RTKN: variants seen among roughly 807,000 people sequenced by gnomAD.
The protein encoded by RTKN is rhotekin.
RTKN carries 49 observed loss-of-function variants against 63.5 expected under a neutral mutation model. The ratio of observed to expected loss-of-function variants is 0.77; its 90% CI spans 0.61 to 0.98. The LOEUF is 0.98. Ranked by LOEUF, RTKN falls within the 50% of genes least tolerant of loss-of-function variation. The pLI is 0.00. For missense variants in RTKN, 685 were observed against 740.8 expected (o/e 0.92, Z 0.87); for synonymous variants, 295 against 290.4 (o/e 1.02, Z -0.16).
chr2:74,428,339 G>C lies in RTKN; in HGVS notation c.1015C>G (p.Leu339Val). The C allele has an allele frequency of 3.1e-6, 5 of 1,614,038 alleles. No individual in the cohort carries two copies. The South Asian group carries it at 5.5e-5, about 18-fold the overall frequency. ...TCCTCAGGTTGCCGGTAACAGAAGA[G>C]GTTTGTGCCTTTCAGAACTCCATGC... ...QVHGVLKGTN[L>V]FCYRQPEDAD... Residue 339 changes from leucine to valine, a missense_variant, in exon 9 of 12, where the codon CTC (leucine) becomes GTC (valine). Coordinates refer to ENST00000272430, the MANE Select transcript of RTKN (RefSeq NM_001015055.2).
intron 1 of RTKN, among the ~76,000 whole-genome samples, 195 bp downstream of exon 1, chr2:74,441,511 G>A (rs1188275497): frequency 6.6e-6 from 1 of 152,248 alleles, no homozygotes; most frequent in Non-Finnish European, 1.5e-5. Context: ...CCAGGCCGCG[G>A]AATGGGCAGC....
At chr2:74,427,394 A>G (rs1670457717) in intron 10 of RTKN, 30 bp downstream of exon 10, 3 of 1,611,590 alleles carry the variant, frequency 1.9e-6, no homozygotes, top group Non-Finnish European at 2.5e-6. Context: ...GTTCTTCCCA[A>G]AGGTTCAACC....
intron 6 of RTKN, among the ~76,000 whole-genome samples, chr2:74,429,312 C>T (rs1670605152): frequency 6.6e-6 from 1 of 152,156 alleles, no homozygotes; most frequent in Non-Finnish European, 1.5e-5. Context: ...CCCAAAGGTT[C>T]TCAAACTGCT....
rs991547225 is a variant in RTKN, at chr2:74,427,371, A to G, written c.1255+53T>C. On this transcript the variant is annotated intron_variant, in intron 10 of 11. Transcript: ENST00000272430. The stretch of plus-strand genomic sequence containing the variant: ...CTTGAAACAGAGGCCTTTAGTAAAA[A>G]TGACAAACTCCAGTTCTTCCCAAAG... 1.2e-5 allele frequency: 19 copies of G among 1,608,770 alleles called. No individual in the cohort carries two copies. In the Middle Eastern group the frequency reaches 6.6e-4, roughly 56 times the overall value.
chr2:74,428,582 T>C, intron 8 of RTKN, 49 bp downstream of exon 8: 1 of 1,561,720 alleles, frequency 6.4e-7, no homozygotes, highest in Non-Finnish European at 8.8e-7. Context: ...GTTATCCAGC[T>C]CTCCTCTGCC....
chr2:74,428,200 C>T (rs1281824410), intron 9 of RTKN, 68 bp downstream of exon 9: 1 of 1,609,894 alleles, frequency 6.2e-7, no homozygotes, highest in Middle Eastern at 1.7e-4. Flanking sequence ...TGCCCACCCT[C>T]CTGGGGCCTG....
rs760018206 is a variant in RTKN at position 74,426,464 on chromosome 2, C to T, written c.1471G>A (p.Ala491Thr). Residue 491 changes from alanine to threonine, a missense_variant, in exon 12 of 12, where the codon GCC (alanine) becomes ACC (threonine). Ala to Thr is a moderately conservative substitution (Grantham distance 58, BLOSUM62 0). Transcript: ENST00000272430. ...PWLAMFTDQP[A>T]LPNPCSPASV... ...GCAGGCGAGCAGGGGTTAGGCAGGGCAGGCTGGTCTGTAAACATTGCCAGC... is the reference window on the plus strand; with the variant it reads ...GCAGGCGAGCAGGGGTTAGGCAGGGTAGGCTGGTCTGTAAACATTGCCAGC... 1.1e-5 allele frequency: 17 copies of T among 1,610,408 alleles called. No individual in the cohort carries two copies. The South Asian group carries it at 1.9e-4, about 18-fold the overall frequency.
chr2:74,431,703 T>G (rs1226407288), intron 2 of RTKN: 1 of 152,540 alleles, frequency 6.6e-6, no homozygotes, highest in Admixed American at 6.5e-5. Context: ...GGCAACCTCC[T>G]CTTGTGTCAG....
chr2:74,425,865 C>T lies in RTKN; in HGVS notation c.*378G>A. The T allele has an allele frequency of 8.6e-7, 1 of 1,169,340 alleles. No individual in the cohort carries two copies. The highest frequency in any genetic ancestry group is 1.2e-6 in the Non-Finnish European group (1 of 838,534). The allele number at this position is 1,169,340 out of a possible 1,614,324, so 72.4% of individuals were successfully genotyped here. A position where few individuals can be genotyped will look rare whatever the true frequency, so the allele number is the denominator to read the frequency against. On this transcript the variant is annotated 3_prime_UTR_variant, in exon 12 of 12. Transcript: ENST00000272430. Reference sequence around the variant, plus strand: ...CAGGCAGAGAGAGGCACCCTGTCCTCAGGAGCCAGGTGAAGGCTGCTGTTA... The same window carrying T: ...CAGGCAGAGAGAGGCACCCTGTCCTTAGGAGCCAGGTGAAGGCTGCTGTTA...
At chr2:74,428,788 T>A in intron 7 of RTKN, 51 bp from the exon 8 acceptor site, 1 of 1,601,010 alleles carries the variant, frequency 6.2e-7, no homozygotes, top group South Asian at 1.1e-5. Flanking sequence ...AAGGGGACCA[T>A]CCCACAGCCC....
In RTKN at chr2:74,429,607, C is replaced by T. The variant is rs180748456; in HGVS notation, c.755+221G>A. Among the ~76,000 whole-genome samples the T allele has an allele frequency of 7.1e-4, 108 of 152,332 alleles. 1 individual carries two copies. Among genetic ancestry groups the T allele is most frequent in the Admixed American group, 1.5e-3 (23 of 15,306 alleles). On this transcript the variant is annotated intron_variant, in intron 6 of 11. Transcript: ENST00000272430. ...TGCTAAAAAGGTAAGACCCCAGGGC[C>T]TAAGTCTCCCTGCCTTCCCACTGGT...
At chr2:74,435,988 C>A (rs1195356783) in intron 1 of RTKN, among the ~76,000 whole-genome samples, 1 of 152,222 alleles carries the variant, frequency 6.6e-6, no homozygotes, top group African/African-American at 2.4e-5. Context: ...AAGCCCCTCA[C>A]CAGGAAGCCC....
At position 74,428,876 on chromosome 2, in the gene RTKN, G is replaced by A. The variant is rs772713143; in HGVS notation, c.822C>T (p.Arg274=). The A allele has an allele frequency of 2.5e-6, 4 of 1,614,162 alleles. No homozygotes were observed. Among genetic ancestry groups the A allele is most frequent in the Non-Finnish European group, 3.4e-6 (4 of 1,180,026 alleles). ...GACTGGCAAGGGTGAGGTCATGTGT[G>A]CGGAATCCATCTTGCACTGCTGCCA... ...LTLAAVQDGF[R]THDLTLASHE... Residue 274 remains arginine (R), a synonymous_variant, in exon 7 of 12, where the codon CGC becomes CGT. Coordinates refer to ENST00000272430, the MANE Select transcript of RTKN (RefSeq NM_001015055.2).
chr2:74,439,206 T>A (rs1671216087), intron 1 of RTKN, among the ~76,000 whole-genome samples: 1 of 152,234 alleles, frequency 6.6e-6, no homozygotes, highest in Non-Finnish European at 1.5e-5. Context: ...CCTTCTCTTC[T>A]CTAGCAAGGC....
At chr2:74,437,672 A>AATGAACTAAAAGTAATGAATTAATG (rs1671132352) in intron 1 of RTKN, among the ~76,000 whole-genome samples, 1 of 152,226 alleles carries the variant, frequency 6.6e-6, no homozygotes, top group African/African-American at 2.4e-5. Context: ...GTTTTGTTTT[A>AATGAACTAAAAGTAATGAATTAATG]TTTTAATGAA....
At chr2:74,427,313 C>T in intron 10 of RTKN, 40 bp from the exon 11 acceptor site, 1 of 1,607,900 alleles carries the variant, frequency 6.2e-7, no homozygotes, top group Non-Finnish European at 8.5e-7. Context: ...AGCCAGGCTG[C>T]CCTTTCTCCT....
chr2:74,438,284 A>G (rs1671165578), intron 1 of RTKN, among the ~76,000 whole-genome samples: 1 of 152,012 alleles, frequency 6.6e-6, no homozygotes, highest in African/African-American at 2.4e-5. Flanking sequence ...CATCCAATCC[A>G]TCAGCAAATC....
intron 1 of RTKN, among the ~76,000 whole-genome samples, chr2:74,434,469 G>A (rs1420421583): frequency 1.3e-5 from 2 of 152,076 alleles, no homozygotes; most frequent in South Asian, 2.1e-4. Flanking sequence ...TAGTAGAGAC[G>A]GGGTTGCACC....
At chr2:74,435,689 A>G (rs572728627) in intron 1 of RTKN, among the ~76,000 whole-genome samples, 1 of 152,280 alleles carries the variant, frequency 6.6e-6, no homozygotes, top group African/African-American at 2.4e-5. Flanking sequence ...AGACAAGTCG[A>G]GCCATCCATT....
Sources: gnomAD v4.1 joint callset for allele counts (sites outside exome capture counted in the v4.1 genomes callset) on GRCh38, gnomAD v4.1.1 for gene constraint, MANE v1.5 for transcripts, NCBI Gene and HGNC (gene_info 2026-07-23, HGNC 2026-07-21) for gene names.